Variants in KHDC1 observed in about 807,000 individuals in gnomAD.
The protein encoded by KHDC1 is KH domain containing 1, also known as KH homology domain-containing protein 1.
KHDC1 carries 21 observed loss-of-function variants against 24.7 expected under a neutral mutation model. The observed-to-expected ratio is 0.85, with a 90% CI of 0.60 to 1.23. KHDC1 has a LOEUF of 1.23. Ranked by LOEUF, KHDC1 falls within the 50% of genes most tolerant of loss-of-function variation. The probability of loss-of-function intolerance (pLI) is 0.00; values close to 1 mark genes in which losing one functional copy is unlikely to be tolerated. For missense variants in KHDC1, 274 were observed against 298.5 expected, an observed-to-expected ratio of 0.92 and a Z score of 0.61; for synonymous variants, 98 against 111.7, an observed-to-expected ratio of 0.88 and a Z score of 0.77.
At chr6:73,265,149 A>C (rs2150576910) in intron 2 of KHDC1, among the ~76,000 whole-genome samples, 1 of 152,318 alleles carries the variant, frequency 6.6e-6, no homozygotes, top group Non-Finnish European at 1.5e-5. Context: ...ATTTCTCATC[A>C]GTTACCTATT....
At position 73,270,970 on chromosome 6, in the gene KHDC1, G is replaced by A. The variant is rs184733515; in HGVS notation, c.206+21028C>T. Among the ~76,000 whole-genome samples, 394 of 152,044 alleles carry A rather than the reference G, an allele frequency of 2.6e-3. 1 individual carries two copies. The highest frequency in any genetic ancestry group is 0.01 in the Middle Eastern group (3 of 294). ...CTCTCAAAGTGCTGGGATTACAAGC[G>A]TGAGCCACCGCGCCCGGCCTGTTGC... On this transcript the variant is annotated intron_variant, in intron 2 of 4. Coordinates refer to ENST00000370384, the Ensembl canonical transcript of KHDC1.
chr6:73,245,331 T>C (rs1766647553), intron 2 of KHDC1, among the ~76,000 whole-genome samples: 1 of 152,222 alleles, frequency 6.6e-6, no homozygotes, highest in South Asian at 2.1e-4. Flanking sequence ...TTTCCTTTGA[T>C]TTTTAGAAGT....
intron 1 of KHDC1, among the ~76,000 whole-genome samples, chr6:73,294,017 A>C (rs946475273): frequency 6.7e-6 from 1 of 150,320 alleles, no homozygotes; most frequent in African/African-American, 2.4e-5. Context: ...AAAAAAAAAA[A>C]ACAAAAAAAA....
At chr6:73,300,967 A>C (rs985217700) in intron 1 of KHDC1, 1 of 152,186 alleles carries the variant, frequency 6.6e-6, no homozygotes, top group African/African-American at 2.4e-5. Flanking sequence ...CTGTAATCCC[A>C]GCACTTTGGG....
chr6:73,255,904 CAAAAAAA>C (rs1205326198), intron 2 of KHDC1, among the ~76,000 whole-genome samples: 2 of 49,438 alleles, frequency 4.0e-5, no homozygotes, highest in Admixed American at 2.1e-4. Context: ...CCTGTCTCAA[CAAAAAAA>C]AAAAAAAAAA....
chr6:73,308,924 C>T (rs1016653190), intron 1 of KHDC1, among the ~76,000 whole-genome samples: 6 of 152,280 alleles, frequency 3.9e-5, no homozygotes, highest in Admixed American at 2.0e-4. Flanking sequence ...CTCCTTCTCC[C>T]AGGATCAAGC....
At chr6:73,292,276 G>T in intron 1 of KHDC1, 1 of 1,260,954 alleles carries the variant, frequency 7.9e-7, no homozygotes, top group Non-Finnish European at 1.2e-6. Flanking sequence ...GGCAAATGCG[G>T]TCAACCAGGG....
At chr6:73,250,902 C>T (rs1027862248) in intron 2 of KHDC1, among the ~76,000 whole-genome samples, 2 of 152,096 alleles carry the variant, frequency 1.3e-5, no homozygotes, top group Non-Finnish European at 1.5e-5. Context: ...TGCAGTGGTG[C>T]AATCTTGGCT....
chr6:73,272,212 G>A (rs1360825693), intron 2 of KHDC1, among the ~76,000 whole-genome samples: 1 of 151,578 alleles, frequency 6.6e-6, no homozygotes, highest in African/African-American at 2.4e-5. Context: ...CGCCCACGCT[G>A]GAGTGCAGTG....
At chr6:73,261,501 G>A (rs1766978612) in intron 2 of KHDC1, among the ~76,000 whole-genome samples, 1 of 151,986 alleles carries the variant, frequency 6.6e-6, no homozygotes, top group Non-Finnish European at 1.5e-5. Flanking sequence ...CAGGCACAGT[G>A]GCTCACACCT....
chr6:73,302,853 G>A (rs768074811), intron 1 of KHDC1, among the ~76,000 whole-genome samples: 5 of 152,168 alleles, frequency 3.3e-5, no homozygotes, highest in Non-Finnish European at 5.9e-5. Flanking sequence ...GAGGTGTGCC[G>A]ATCACATGAG....
intron 1 of KHDC1, among the ~76,000 whole-genome samples, chr6:73,306,676 C>T (rs976242063): frequency 2.0e-5 from 3 of 151,956 alleles, no homozygotes; most frequent in East Asian, 1.9e-4. Flanking sequence ...GGGGTTGGTG[C>T]CCCGGGGCAG....
At chr6:73,256,154 T>TGA in intron 2 of KHDC1, among the ~76,000 whole-genome samples, 2 of 152,174 alleles carry the variant, frequency 1.3e-5, no homozygotes, top group Non-Finnish European at 2.9e-5. Context: ...CCTTTACAGG[T>TGA]CCTTTTTTAT....
At chr6:73,241,982 T>C in intron 4 of KHDC1, 73 bp downstream of exon 3, 1 of 1,481,090 alleles carries the variant, frequency 6.8e-7, no homozygotes, top group Non-Finnish European at 9.1e-7. Context: ...TCTTCAAGAA[T>C]CCAAGATGCT....
chr6:73,277,922 A>T (rs1767327336), intron 2 of KHDC1, among the ~76,000 whole-genome samples: 1 of 149,142 alleles, frequency 6.7e-6, no homozygotes. Flanking sequence ...TATGGTTTTT[A>T]CTGTTTGTGA....
chr6:73,263,291 C>T (rs1767020860), intron 2 of KHDC1, 95 bp from the exon 1 acceptor site: 1 of 985,428 alleles, frequency 1.0e-6, no homozygotes, highest in Non-Finnish European at 1.2e-6. Context: ...CCTGCGGAGC[C>T]CACTGCCGGC....
intron 2 of KHDC1, among the ~76,000 whole-genome samples, chr6:73,256,709 C>A (rs991325719): frequency 6.6e-6 from 1 of 152,148 alleles, no homozygotes; most frequent in Non-Finnish European, 1.5e-5. Flanking sequence ...GACATTTCCA[C>A]GTGTCTCATC....
intron 1 of KHDC1, among the ~76,000 whole-genome samples, chr6:73,304,489 C>T (rs993316908): frequency 2.0e-5 from 3 of 151,962 alleles, no homozygotes; most frequent in Admixed American, 6.6e-5. Flanking sequence ...GTAATAGAGG[C>T]GGGGTCTCAC....
At chr6:73,285,815 T>TAGA (rs1183334940) in intron 2 of KHDC1, among the ~76,000 whole-genome samples, 1 of 152,178 alleles carries the variant, frequency 6.6e-6, no homozygotes, top group Non-Finnish European at 1.5e-5. Flanking sequence ...TTTCTATTTT[T>TAGA]AGAAGAATCA....
Sources: allele counts gnomAD v4.1 joint callset (sites outside exome capture counted in the v4.1 genomes callset), GRCh38; gene constraint gnomAD v4.1.1; transcripts MANE v1.5; gene names NCBI Gene and HGNC (gene_info 2026-07-23, HGNC 2026-07-21).